TENM2: variants seen among roughly 807,000 people sequenced by gnomAD.
TENM2 encodes the protein teneurin-2.
A neutral mutation model predicts 245.2 loss-of-function variants in TENM2; 52 were observed. That is an observed-to-expected ratio of 0.21 (90% CI 0.17 to 0.27). The LOEUF (loss-of-function observed/expected upper bound fraction) is 0.27. TENM2 is among the 10% of genes least tolerant of loss of function. TENM2 has a pLI of 1.00. For missense variants in TENM2, 3,046 were observed against 3,666.8 expected (o/e 0.83, Z 4.37); for synonymous variants, 1,363 against 1,438.9 (o/e 0.95, Z 1.19).
At chr5:168,059,282 A>G (rs1250711955) in intron 6 of TENM2, among the ~76,000 whole-genome samples, 1 of 152,170 alleles carries the variant, frequency 6.6e-6, no homozygotes, top group African/African-American at 2.4e-5. Flanking sequence ...CATCTCCAGC[A>G]TCTGCATCTG....
chr5:167,333,081 TA>T (rs1275414650), intron 1 of TENM2, among the ~76,000 whole-genome samples: 1 of 152,172 alleles, frequency 6.6e-6, no homozygotes. Context: ...AATGAATTCA[TA>T]AGCCATCAAC....
chr5:167,618,507 T>TG (rs1158981477), intron 2 of TENM2, among the ~76,000 whole-genome samples: 7 of 152,138 alleles, frequency 4.6e-5, no homozygotes, highest in Non-Finnish European at 8.8e-5. Flanking sequence ...ACTTCCAGAG[T>TG]GACTCTAATG....
chr5:167,064,540 G>A, the TENM2 span, among the ~76,000 whole-genome samples: 1 of 151,816 alleles, frequency 6.6e-6, no homozygotes, highest in African/African-American at 2.4e-5. Flanking sequence ...TACACAAGTG[G>A]TATTCTTTTG....
chr5:166,998,697 A>G, the TENM2 span, among the ~76,000 whole-genome samples: 1 of 152,144 alleles, frequency 6.6e-6, no homozygotes, highest in Admixed American at 6.6e-5. Context: ...AAAGTATGGG[A>G]CTTGTTTGGG....
intron 1 of TENM2, among the ~76,000 whole-genome samples, chr5:167,367,203 A>G (rs1760111533): frequency 6.6e-6 from 1 of 152,170 alleles, no homozygotes; most frequent in Admixed American, 6.5e-5. Flanking sequence ...TTGATTTAGT[A>G]TGTGTTTATT....
intron 2 of TENM2, among the ~76,000 whole-genome samples, chr5:167,714,358 T>G (rs1320646016): frequency 6.6e-6 from 1 of 152,252 alleles, no homozygotes; most frequent in East Asian, 1.9e-4. Flanking sequence ...TACCCTTCCC[T>G]ATAGATCTTA....
chr5:167,570,466 A>G (rs1774197198), intron 2 of TENM2, among the ~76,000 whole-genome samples: 1 of 152,170 alleles, frequency 6.6e-6, no homozygotes, highest in African/African-American at 2.4e-5. Flanking sequence ...CACAATGAAC[A>G]AGGCACTAAT....
chr5:168,182,784 C>T (rs1277065561), intron 13 of TENM2, among the ~76,000 whole-genome samples: 23 of 151,702 alleles, frequency 1.5e-4, no homozygotes, highest in Admixed American at 1.5e-3. Context: ...AGACTAGGAC[C>T]CACGTGAGCC....
At chr5:167,842,478 A>G (rs550445594) in intron 2 of TENM2, among the ~76,000 whole-genome samples, 1 of 148,386 alleles carries the variant, frequency 6.7e-6, no homozygotes, top group African/African-American at 2.5e-5. Flanking sequence ...GATCCCAGCT[A>G]CTTGGGAAGC....
At chr5:168,143,476 A>T (rs929507859) in intron 12 of TENM2, among the ~76,000 whole-genome samples, 2 of 152,136 alleles carry the variant, frequency 1.3e-5, no homozygotes, top group African/African-American at 4.8e-5. Flanking sequence ...GGGGGAAAAA[A>T]CCCTGCAATC....
At chr5:167,671,791 C>T (rs1164456504) in intron 2 of TENM2, among the ~76,000 whole-genome samples, 3 of 150,120 alleles carry the variant, frequency 2.0e-5, no homozygotes, top group Non-Finnish European at 4.4e-5. Context: ...TTATATATCT[C>T]CAGAAATATA....
At chr5:167,310,701 TAAG>T (rs1755980921) in intron 1 of TENM2, among the ~76,000 whole-genome samples, 1 of 152,120 alleles carries the variant, frequency 6.6e-6, no homozygotes, top group Non-Finnish European at 1.5e-5. Flanking sequence ...ACAACTAAAA[TAAG>T]AAAGAATTAA....
chr5:167,868,717 CAGAT>C (rs1436728672), intron 2 of TENM2, among the ~76,000 whole-genome samples: 1 of 123,502 alleles, frequency 8.1e-6, no homozygotes, highest in Non-Finnish European at 1.6e-5. Flanking sequence ...GCCTGAGTGA[CAGAT>C]AGTGAGATTC....
At chr5:167,670,399 C>T (rs1323406631) in intron 2 of TENM2, among the ~76,000 whole-genome samples, 1 of 152,116 alleles carries the variant, frequency 6.6e-6, no homozygotes, top group Admixed American at 6.6e-5. Flanking sequence ...GTGTCCATAT[C>T]CTGTCCTTTT....
chr5:168,008,839 T>TA (rs368549390), intron 5 of TENM2, among the ~76,000 whole-genome samples: 38 of 152,360 alleles, frequency 2.5e-4, no homozygotes, highest in African/African-American at 8.9e-4. Context: ...AAACATTTTT[T>TA]ATTGGTATGT....
Position 167,451,454 on chromosome 5 carries a change from C to T in TENM2, c.502+75981C>T, listed in dbSNP as rs140909390. On this transcript the variant is annotated intron_variant, in intron 2 of 28. Transcript: ENST00000518659. Reference sequence around the variant, plus strand: ...TCTACTTAATATTATTCAGATTTATCTTATCTGGGTGAAGGACCAGTTTCT... The same window carrying T: ...TCTACTTAATATTATTCAGATTTATTTTATCTGGGTGAAGGACCAGTTTCT... Among the ~76,000 whole-genome samples the T allele has an allele frequency of 2.6e-5, 4 of 152,292 alleles. No homozygotes were observed. In the East Asian group the frequency reaches 7.7e-4, roughly 29 times the overall value.
chr5:167,252,892 C>G, the TENM2 span, among the ~76,000 whole-genome samples: 1 of 152,112 alleles, frequency 6.6e-6, no homozygotes, highest in South Asian at 2.1e-4. Flanking sequence ...ATATGTTCAG[C>G]TGGATGCTTG....
intron 2 of TENM2, among the ~76,000 whole-genome samples, chr5:167,464,972 A>T: frequency 6.6e-6 from 1 of 152,334 alleles, no homozygotes; most frequent in Non-Finnish European, 1.5e-5. Flanking sequence ...TAACTTTTCC[A>T]ATAAAGTGTC....
At chr5:167,378,664 A>G (rs574723513) in intron 2 of TENM2, among the ~76,000 whole-genome samples, 47 of 152,080 alleles carry the variant, frequency 3.1e-4, no homozygotes, top group Non-Finnish European at 5.7e-4. Context: ...CTTTTGTTCA[A>G]TAATAAATGT....
Sources: allele counts gnomAD v4.1 joint callset (sites outside exome capture counted in the v4.1 genomes callset), GRCh38; gene constraint gnomAD v4.1.1; transcripts MANE v1.5; gene names NCBI Gene and HGNC (gene_info 2026-07-23, HGNC 2026-07-21).